The following PCDHGA5 variants were observed in gnomAD, a reference collection of about 807,000 sequenced individuals.
PCDHGA5 encodes the protein protocadherin gamma subfamily A, 5.
A neutral mutation model predicts 56.7 loss-of-function variants in PCDHGA5; 36 were observed. That is an observed-to-expected ratio of 0.64 (90% confidence interval 0.49 to 0.84). The LOEUF (loss-of-function observed/expected upper bound fraction) is 0.84, where lower values mean the gene tolerates loss of function less well. PCDHGA5 is among the 40% of genes least tolerant of loss of function. The pLI is 0.00. For missense variants in PCDHGA5, 1,305 were observed against 1,201.5 expected (o/e 1.09, Z -1.27); for synonymous variants, 563 against 520.2 (o/e 1.08, Z -1.12).
chr5:141,463,446 T>TC, intron 1 of PCDHGA5, among the ~76,000 whole-genome samples: 1 of 125,012 alleles, frequency 8.0e-6, no homozygotes, highest in Non-Finnish European at 1.7e-5. Flanking sequence ...TCCTTTTTTT[T>TC]TTTTTTTTTT....
chr5:141,406,906 C>T (rs1186250719), intron 1 of PCDHGA5, among the ~76,000 whole-genome samples: 1 of 152,048 alleles, frequency 6.6e-6, no homozygotes, highest in Non-Finnish European at 1.5e-5. Flanking sequence ...CTGTTTTTAG[C>T]TATAAGGAAG....
At chr5:141,389,655 G>A in intron 1 of PCDHGA5, 1 of 1,612,562 alleles carries the variant, frequency 6.2e-7, no homozygotes, top group South Asian at 1.1e-5. Flanking sequence ...CAAGGTAGTG[G>A]CGGTGGACGC....
intron 1 of PCDHGA5, among the ~76,000 whole-genome samples, chr5:141,439,595 G>A (rs752771969): frequency 3.9e-5 from 6 of 152,192 alleles, no homozygotes; most frequent in Non-Finnish European, 5.9e-5. Flanking sequence ...CTGTTGGCCA[G>A]TCTGGAAACA....
chr5:141,384,410 A>T, intron 1 of PCDHGA5: 3 of 1,613,844 alleles, frequency 1.9e-6, no homozygotes, highest in Non-Finnish European at 2.5e-6. Flanking sequence ...GTGTCCTCCT[A>T]TGTCTCCATA....
intron 1 of PCDHGA5, among the ~76,000 whole-genome samples, chr5:141,494,188 T>G (rs2099752632): frequency 6.6e-6 from 1 of 152,186 alleles, no homozygotes; most frequent in Non-Finnish European, 1.5e-5. Flanking sequence ...GTCCCGGGAC[T>G]TGGATGCCCC....
intron 1 of PCDHGA5, chr5:141,374,770 G>C (rs750704696): frequency 1.2e-6 from 2 of 1,613,694 alleles, no homozygotes; most frequent in Non-Finnish European, 1.7e-6. Flanking sequence ...CCCAAATTCT[G>C]GTAACAGTTC....
chr5:141,413,456 T>C (rs2095643709), intron 1 of PCDHGA5: 30 of 1,613,982 alleles, frequency 1.9e-5, no homozygotes, highest in South Asian at 2.2e-5. Flanking sequence ...GCGGGCAGGA[T>C]AGACCGGGAG....
chr5:141,465,532 C>T (rs1175698109), intron 1 of PCDHGA5, among the ~76,000 whole-genome samples: 1 of 152,138 alleles, frequency 6.6e-6, no homozygotes, highest in Non-Finnish European at 1.5e-5. Flanking sequence ...GGAAGTTTTC[C>T]CAGGCATTTT....
chr5:141,422,276 T>G, intron 1 of PCDHGA5: 3 of 1,558,820 alleles, frequency 1.9e-6, no homozygotes, highest in South Asian at 1.3e-5. Context: ...GAAATAACTA[T>G]CACCTCTTCT....
At chr5:141,401,098 C>T (rs1589430206) in intron 1 of PCDHGA5, among the ~76,000 whole-genome samples, 1 of 152,110 alleles carries the variant, frequency 6.6e-6, no homozygotes, top group East Asian at 1.9e-4. Context: ...AATCCCAGCA[C>T]TTTGGGAGGC....
Position 141,490,600 on chromosome 5 carries a change from T to G in PCDHGA5, c.2422-4207T>G. 6.2e-7 allele frequency: 1 copy of G among 1,614,164 alleles called. No homozygotes were observed. Among genetic ancestry groups the G allele is most frequent in the South Asian group, 1.1e-5 (1 of 91,072 alleles). ...AGATGTCAATGACAATGCACCCCGCTTCAACCAGCAGCTTTACACTGCTTA... is the reference window on the plus strand; with the variant it reads ...AGATGTCAATGACAATGCACCCCGCGTCAACCAGCAGCTTTACACTGCTTA... On this transcript the variant is annotated intron_variant, in intron 1 of 3. Coordinates refer to ENST00000518069, the MANE Select transcript of PCDHGA5 (RefSeq NM_018918.3). The surrounding 1 kb of genome is among the most constrained non-coding windows in gnomAD (Gnocchi z 5.4).
intron 1 of PCDHGA5, chr5:141,409,628 G>A (rs367728235): frequency 1.2e-6 from 2 of 1,613,730 alleles, no homozygotes; most frequent in Non-Finnish European, 1.7e-6. Context: ...GCAAGTGAGC[G>A]CCTCTGACCC....
At chr5:141,386,031 T>C (rs1010302626) in intron 1 of PCDHGA5, 2 of 152,232 alleles carry the variant, frequency 1.3e-5, no homozygotes, top group Non-Finnish European at 1.5e-5. Flanking sequence ...ATTTGTGACA[T>C]AGGCAATTAC....
intron 1 of PCDHGA5, chr5:141,374,638 A>C (rs931155259): frequency 4.3e-6 from 7 of 1,612,946 alleles, no homozygotes; most frequent in Admixed American, 1.7e-5. Context: ...TGCAAAGCGA[A>C]GCCCATGGGC....
At position 141,366,054 on chromosome 5, in the gene PCDHGA5, T is replaced by C; in HGVS notation, c.1724T>C (p.Val575Ala). Reference protein sequence around the residue: ...PALPTDGSTGVELAPRSAEPG... With the variant: ...PALPTDGSTGAELAPRSAEPG... ...CTCCCCACAGACGGTTCCACGGGCG[T>C]GGAGCTGGCGCCTCGCTCCGCAGAA... Residue 575 changes from valine (V) to alanine (A), a missense_variant, in exon 1 of 4, where the codon GTG becomes GCG. Transcript: ENST00000518069. The C allele has an allele frequency of 1.2e-6, 2 of 1,614,220 alleles. No homozygotes were observed. The highest frequency in any genetic ancestry group is 1.7e-6 in the Non-Finnish European group (2 of 1,180,034).
At chr5:141,372,680 C>T in intron 1 of PCDHGA5, 1 of 1,614,016 alleles carries the variant, frequency 6.2e-7, no homozygotes, top group South Asian at 1.1e-5. Context: ...ATTCCTCAAA[C>T]ACCGAGTTTA....
intron 1 of PCDHGA5, among the ~76,000 whole-genome samples, chr5:141,400,896 A>G (rs193291751): frequency 2.6e-5 from 4 of 152,214 alleles, no homozygotes; most frequent in Admixed American, 2.6e-4. Context: ...TAATCATTTA[A>G]TTCATCTTTT....
intron 1 of PCDHGA5, chr5:141,370,882 G>A (rs762362899): frequency 6.2e-7 from 1 of 1,613,894 alleles, no homozygotes. Flanking sequence ...CCTGATGTAG[G>A]TGTCAATTCG....
intron 1 of PCDHGA5, among the ~76,000 whole-genome samples, chr5:141,456,101 G>A (rs1231843666): frequency 6.6e-6 from 1 of 151,970 alleles, no homozygotes; most frequent in African/African-American, 2.4e-5. Context: ...ATTTCACCGT[G>A]TTAGCCAGGA....
Sources: gnomAD v4.1 joint callset for allele counts (sites outside exome capture counted in the v4.1 genomes callset) on GRCh38, gnomAD v4.1.1 for gene constraint, Gnocchi (gnomAD v3.1) non-coding constraint, MANE v1.5 for transcripts, NCBI Gene and HGNC (gene_info 2026-07-23, HGNC 2026-07-21) for gene names.